The following ITIH2 variants were observed in gnomAD, a reference collection of about 807,000 sequenced individuals.
ITIH2 encodes the protein inter-alpha-trypsin inhibitor heavy chain H2.
In ITIH2, 103 loss-of-function variants were observed where a neutral mutation model predicts 104.4. The ratio of observed to expected loss-of-function variants is 0.99; its 90% CI spans 0.84 to 1.16. ITIH2 has a LOEUF of 1.16. Ranked by LOEUF, ITIH2 falls within the 50% of genes most tolerant of loss-of-function variation. The pLI is 0.00. For missense variants in ITIH2, 1,108 were observed against 1,162.4 expected, an observed-to-expected ratio of 0.95 and a Z score of 0.68; for synonymous variants, 436 against 435.4, an observed-to-expected ratio of 1.00 and a Z score of -0.02.
At chr10:7,714,167 T>G in intron 5 of ITIH2, among the ~76,000 whole-genome samples, 1 of 120,004 alleles carries the variant, frequency 8.3e-6, no homozygotes, top group East Asian at 2.3e-4. Flanking sequence ...CACTCACTAT[T>G]TTTTTTTTTT....
At chr10:7,714,128 A>G (rs1293075629) in intron 5 of ITIH2, among the ~76,000 whole-genome samples, 1 of 146,784 alleles carries the variant, frequency 6.8e-6, no homozygotes, top group Non-Finnish European at 1.5e-5. Context: ...CTTCAAAGGG[A>G]TGTTCACCTT....
chr10:7,718,477 C>T (rs540286452), intron 6 of ITIH2, among the ~76,000 whole-genome samples: 1 of 152,294 alleles, frequency 6.6e-6, no homozygotes, highest in East Asian at 1.9e-4. Context: ...TGAGTCTTCG[C>T]TGTCTCATCT....
At chr10:7,705,046 T>C (rs944250723) in intron 1 of ITIH2, 62 bp from the exon 2 acceptor site, 6 of 1,090,112 alleles carry the variant, frequency 5.5e-6, no homozygotes, top group Non-Finnish European at 8.2e-6. Context: ...GTTGTGCACA[T>C]GTACCCCAGA....
At chr10:7,743,282 T>C in intron 17 of ITIH2, 23 bp downstream of exon 17, 2 of 1,231,268 alleles carry the variant, frequency 1.6e-6, no homozygotes, top group Non-Finnish European at 2.4e-6. Flanking sequence ...TAAATTATAT[T>C]TGCACCAATT....
chr10:7,713,296 A>AAT lies in ITIH2; in HGVS notation c.467+11_467+12insAT. The AAT allele has an allele frequency of 6.3e-7, 1 of 1,599,402 alleles. No individual in the cohort carries two copies. Among genetic ancestry groups the AAT allele is most frequent in the South Asian group, 1.1e-5 (1 of 90,564 alleles). ...GGCTGGCTTGGTGAGGTAAGGCCTG[A>AAT]GTGAGCAAGGCTTGCCCTTGCCTCT... On this transcript the variant is annotated intron_variant, in intron 5 of 20. Coordinates refer to ENST00000358415, the MANE Select transcript of ITIH2 (RefSeq NM_002216.3).
chr10:7,743,736 A>G (rs958015205), intron 17 of ITIH2, among the ~76,000 whole-genome samples: 2 of 152,140 alleles, frequency 1.3e-5, no homozygotes, highest in African/African-American at 4.8e-5. Context: ...AGCCAAGATC[A>G]CACCATTGCG....
At position 7,748,732 on chromosome 10, in the gene ITIH2, G is replaced by A. The variant is rs12243981; in HGVS notation, c.2694-455G>A. On this transcript the variant is annotated intron_variant, in intron 20 of 20. Coordinates refer to ENST00000358415, the MANE Select transcript of ITIH2 (RefSeq NM_002216.3). ...AATTTTTCTTTTAATTTTTAGTAGA[G>A]ACAGGGTTTCACCATGTTGGCCAGG... is the stretch of plus-strand genomic sequence containing the variant. Among the ~76,000 whole-genome samples the A allele has an allele frequency of 4.6e-5, 7 of 151,140 alleles. No individual in the cohort carries two copies. In the South Asian group the frequency reaches 1.5e-3, roughly 32 times the overall value.
intron 3 of ITIH2, 26 bp from the exon 4 acceptor site, chr10:7,708,996 C>G: frequency 6.3e-7 from 1 of 1,598,552 alleles, no homozygotes; most frequent in Non-Finnish European, 8.6e-7. Context: ...TCTATCAGTA[C>G]AGTTATGCTT....
chr10:7,748,907 C>T (rs1835207649), intron 20 of ITIH2, among the ~76,000 whole-genome samples: 2 of 152,016 alleles, frequency 1.3e-5, no homozygotes, highest in Non-Finnish European at 2.9e-5. Context: ...CTTGTTCCTG[C>T]CTTCTTTCCA....
At chr10:7,730,297 T>C (rs531530198) in intron 12 of ITIH2, among the ~76,000 whole-genome samples, 164 bp downstream of exon 12, 6 of 152,292 alleles carry the variant, frequency 3.9e-5, no homozygotes, top group African/African-American at 1.4e-4. Flanking sequence ...TTCTCACATG[T>C]TTCCCCCCAC....
chr10:7,714,397 C>T (rs1834828049), intron 5 of ITIH2, among the ~76,000 whole-genome samples: 1 of 151,970 alleles, frequency 6.6e-6, no homozygotes, highest in Non-Finnish European at 1.5e-5. Flanking sequence ...TGGTCTCGAT[C>T]TCCTGACCTC....
intron 15 of ITIH2, 126 bp downstream of exon 15, chr10:7,735,217 G>A: frequency 2.6e-6 from 2 of 763,788 alleles, no homozygotes; most frequent in South Asian, 2.3e-5. Flanking sequence ...GGGCCCTCCT[G>A]TGCCCAAGCT....
intron 8 of ITIH2, among the ~76,000 whole-genome samples, chr10:7,723,148 C>CGTGGCGTGGAGCGGAGTGAA (rs1834921668): frequency 7.2e-6 from 1 of 139,524 alleles, no homozygotes; most frequent in African/African-American, 2.7e-5. Flanking sequence ...CGTGGAGTGG[C>CGTGGCGTGGAGCGGAGTGAA]GTGGCGTGGA....
chr10:7,717,652 T>G lies in ITIH2; in HGVS notation c.494T>G (p.Phe165Cys). Residue 165 changes from phenylalanine to cysteine, a missense_variant, in exon 6 of 21, where the codon TTC becomes TGC. Phe to Cys is a radical substitution (Grantham distance 205). Coordinates refer to ENST00000358415, the MANE Select transcript of ITIH2 (RefSeq NM_002216.3). ...VRSSALDMEN[F>C]RTEVNVLPGA... ...AGCAGCGCTCTTGATATGGAAAACT[T>G]CAGAACGGAAGTAAATGTCCTCCCA... is the stretch of plus-strand genomic sequence containing the variant. The G allele has an allele frequency of 6.2e-7, 1 of 1,613,988 alleles. No individual in the cohort carries two copies. The highest frequency in any genetic ancestry group is 8.5e-7 in the Non-Finnish European group (1 of 1,179,940).
chr10:7,730,187 C>T, intron 12 of ITIH2, 54 bp downstream of exon 12: 4 of 1,305,306 alleles, frequency 3.1e-6, no homozygotes, highest in Non-Finnish European at 4.3e-6. Context: ...ATTTAACTAC[C>T]CATATCTGAT....
chr10:7,743,279 T>C lies in ITIH2; in HGVS notation c.2209+20T>C. The C allele has an allele frequency of 7.8e-7, 1 of 1,279,202 alleles. No individual in the cohort carries two copies. The highest frequency in any genetic ancestry group is 1.1e-6 in the Non-Finnish European group (1 of 890,088). 79.2% of individuals were successfully genotyped at this position (1,279,202 alleles called of 1,614,324 possible). A position where few individuals can be genotyped will look rare whatever the true frequency, so the allele number is the denominator to read the frequency against. On this transcript the variant is annotated intron_variant, in intron 17 of 20. Coordinates refer to ENST00000358415, the MANE Select transcript of ITIH2 (RefSeq NM_002216.3). ...AATCAGGTAAAATAAAAATAAATTA[T>C]ATTTGCACCAATTAGGTCATTGTCA...
chr10:7,710,146 C>G (rs925087088), intron 4 of ITIH2, among the ~76,000 whole-genome samples: 1 of 152,240 alleles, frequency 6.6e-6, no homozygotes, highest in African/African-American at 2.4e-5. Flanking sequence ...GCCACCGTGC[C>G]TGGCCTTGAA....
chr10:7,727,803 G>A lies in ITIH2; in HGVS notation c.1254G>A (p.Leu418=), dbSNP rs754351617. 1 of 1,614,138 alleles carries A rather than the reference G, an allele frequency of 6.2e-7. No homozygotes were observed. Among genetic ancestry groups the A allele is most frequent in the Non-Finnish European group, 8.5e-7 (1 of 1,180,002 alleles). Residue 418 remains leucine (L), a synonymous_variant, in exon 11 of 21, where the codon TTG becomes TTA. Transcript: ENST00000358415. ...CCAACTCCGTCTCGCTGATCATTTT[G>A]GTTTCTGATGGAGATCCAACAGTGG... ...LDPNSVSLII[L]VSDGDPTVGE...
At chr10:7,735,121 C>T (rs767347162) in intron 15 of ITIH2, 30 bp downstream of exon 15, 9 of 1,574,882 alleles carry the variant, frequency 5.7e-6, no homozygotes, top group Non-Finnish European at 7.7e-6. Flanking sequence ...GGACAAGTGG[C>T]CAGGCAGCTC....
Sources: gnomAD v4.1 joint callset for allele counts (sites outside exome capture counted in the v4.1 genomes callset) on GRCh38, gnomAD v4.1.1 for gene constraint, MANE v1.5 for transcripts, NCBI Gene and HGNC (gene_info 2026-07-23, HGNC 2026-07-21) for gene names.